Variants in CAMTA1 observed in about 807,000 individuals in gnomAD.
CAMTA1 encodes the protein calmodulin-binding transcription activator 1.
Under a neutral mutation model 170.9 loss-of-function variants are expected in CAMTA1, and 27 were observed. The ratio of observed to expected loss-of-function variants is 0.16; its 90% CI spans 0.12 to 0.22. CAMTA1 has a LOEUF of 0.22. Among genes scored for constraint, CAMTA1 ranks in the 10% least tolerant of loss-of-function variants. The probability of loss-of-function intolerance (pLI) is 1.00; values close to 1 mark genes in which losing one functional copy is unlikely to be tolerated. For synonymous variants in CAMTA1, 833 were observed against 891.5 expected (o/e 0.93, Z 1.17); for missense variants, 1,619 against 2,217.2 (o/e 0.73, Z 5.42).
chr1:6,834,288 A>T (rs553961806), intron 3 of CAMTA1: 53 of 176,242 alleles, frequency 3.0e-4, no homozygotes, highest in Admixed American at 1.3e-3. Context: ...TTTTTTTTTT[A>T]AAACCAGAAC....
At chr1:7,129,302 A>T (rs770693477) in intron 4 of CAMTA1, among the ~76,000 whole-genome samples, 1 of 152,206 alleles carries the variant, frequency 6.6e-6, no homozygotes, top group East Asian at 1.9e-4. Context: ...GGTTCTTTCC[A>T]TCAGACCTTG....
At chr1:7,008,857 T>A (rs1699386849) in intron 3 of CAMTA1, among the ~76,000 whole-genome samples, 1 of 152,240 alleles carries the variant, frequency 6.6e-6, no homozygotes, top group Non-Finnish European at 1.5e-5. Context: ...TTTAACCTAA[T>A]TTCTATGCCT....
intron 4 of CAMTA1, among the ~76,000 whole-genome samples, chr1:7,210,069 A>G (rs1020622808): frequency 1.3e-5 from 2 of 152,242 alleles, no homozygotes; most frequent in African/African-American, 4.8e-5. Flanking sequence ...AGCCAGTGCA[A>G]TGGTCAAAGT....
At chr1:7,560,400 G>A (rs1013842832) in intron 6 of CAMTA1, among the ~76,000 whole-genome samples, 7 of 152,256 alleles carry the variant, frequency 4.6e-5, no homozygotes, top group African/African-American at 1.7e-4. Flanking sequence ...ACAGGTCTCT[G>A]CGGCAGCATG....
intron 3 of CAMTA1, among the ~76,000 whole-genome samples, chr1:7,072,067 A>C (rs1638718418): frequency 6.6e-6 from 1 of 152,066 alleles, no homozygotes; most frequent in African/African-American, 2.4e-5. Context: ...CTTTGTGGGT[A>C]CCCCGCTCTA....
chr1:7,075,709 C>G (rs1639208823), intron 3 of CAMTA1, among the ~76,000 whole-genome samples: 1 of 146,908 alleles, frequency 6.8e-6, no homozygotes. Context: ...GTCATCCAGG[C>G]TGGAGTGCAG....
In CAMTA1 at chr1:7,632,170, G is replaced by A. The variant is rs1371704803; in HGVS notation, c.511-8230G>A. Among the ~76,000 whole-genome samples, 7 of 152,212 alleles carry A rather than the reference G, an allele frequency of 4.6e-5. No individual in the cohort carries two copies. In the East Asian group the frequency reaches 9.6e-4, roughly 21 times the overall value. On this transcript the variant is annotated intron_variant, in intron 6 of 22. Transcript: ENST00000303635. The stretch of plus-strand genomic sequence containing the variant: ...GGAAGGCTGTGCCTCTGATGATGAG[G>A]CTTATGGGACATTCGGAATATGTAT...
At chr1:6,793,059 T>TAC (rs746892868) in intron 1 of CAMTA1, among the ~76,000 whole-genome samples, 16 of 152,040 alleles carry the variant, frequency 1.1e-4, no homozygotes, top group Non-Finnish European at 2.4e-4. Flanking sequence ...TATATATATA[T>TAC]ACCCCACTCT....
In CAMTA1 at chr1:7,588,748, C is replaced by T. The variant is rs2095331857; in HGVS notation, c.511-51652C>T. ...GTACCTGCCCCTGGAGCGGGACCAA[C>T]AGCTCCAGGCAGGAGATTCACCCAA... On this transcript the variant is annotated intron_variant, in intron 6 of 22. Coordinates refer to ENST00000303635, the MANE Select transcript of CAMTA1 (RefSeq NM_015215.4). The surrounding 1 kb of genome is among the most constrained non-coding windows in gnomAD (Gnocchi z 5.8). 6.6e-6 allele frequency among the ~76,000 whole-genome samples: 1 copy of T among 152,212 alleles called. No individual in the cohort carries two copies.
At chr1:7,394,433 A>G (rs2089066238) in intron 5 of CAMTA1, among the ~76,000 whole-genome samples, 1 of 152,086 alleles carries the variant, frequency 6.6e-6, no homozygotes, top group Admixed American at 6.5e-5. Flanking sequence ...CATTTCCCTG[A>G]TGATTAGTGA....
At chr1:6,991,092 A>G (rs1696301596) in intron 3 of CAMTA1, among the ~76,000 whole-genome samples, 1 of 151,670 alleles carries the variant, frequency 6.6e-6, no homozygotes, top group Non-Finnish European at 1.5e-5. Context: ...CTTTTTATTG[A>G]GAGTAGTATT....
At chr1:7,383,007 C>T (rs1357052761) in intron 5 of CAMTA1, among the ~76,000 whole-genome samples, 1 of 152,172 alleles carries the variant, frequency 6.6e-6, no homozygotes, top group African/African-American at 2.4e-5. Flanking sequence ...GTGCTAAACA[C>T]TGGGAATATA....
At chr1:7,765,755 C>T (rs1255036317) in intron 22 of CAMTA1, among the ~76,000 whole-genome samples, 1 of 152,112 alleles carries the variant, frequency 6.6e-6, no homozygotes, top group African/African-American at 2.4e-5. Flanking sequence ...AGGCCGGGCG[C>T]GGTGGCTCAC....
At chr1:7,578,823 G>A (rs151264314) in intron 6 of CAMTA1, among the ~76,000 whole-genome samples, 5 of 152,316 alleles carry the variant, frequency 3.3e-5, no homozygotes, top group Non-Finnish European at 5.9e-5. Flanking sequence ...GCACGAATGC[G>A]TGTATGGGGG....
At chr1:6,874,081 T>C (rs535855710) in intron 3 of CAMTA1, 1 of 152,380 alleles carries the variant, frequency 6.6e-6, no homozygotes, top group East Asian at 1.9e-4. Flanking sequence ...CTCTGTGAAA[T>C]GTAGATACTG....
intron 6 of CAMTA1, among the ~76,000 whole-genome samples, chr1:7,612,818 C>G (rs548462958): frequency 8.8e-4 from 134 of 152,288 alleles, no homozygotes; most frequent in African/African-American, 3.2e-3. Context: ...CCACCCTTTG[C>G]AGGTTAAGAG....
At chr1:7,762,882 AAATGT>A (rs1277592536) in intron 22 of CAMTA1, among the ~76,000 whole-genome samples, 15 of 152,316 alleles carry the variant, frequency 9.8e-5, no homozygotes, top group African/African-American at 3.6e-4. Flanking sequence ...AGAATTGAGA[AAATGT>A]AATTGTTGTT....
chr1:7,410,903 GTGT>G (rs2090670807), intron 5 of CAMTA1, among the ~76,000 whole-genome samples: 2 of 128,332 alleles, frequency 1.6e-5, no homozygotes, highest in African/African-American at 8.2e-5. Context: ...GCGTCTGTGT[GTGT>G]GTGTGTGTGT....
At chr1:7,658,363 C>A (rs563952387) in intron 7 of CAMTA1, among the ~76,000 whole-genome samples, 1 of 152,166 alleles carries the variant, frequency 6.6e-6, no homozygotes, top group Admixed American at 6.5e-5. Context: ...GACAGAGCTG[C>A]GTGTTCTCCC....
Sources: allele counts gnomAD v4.1 joint callset (sites outside exome capture counted in the v4.1 genomes callset), GRCh38; gene constraint gnomAD v4.1.1; non-coding constraint Gnocchi (gnomAD v3.1); transcripts MANE v1.5; gene names NCBI Gene and HGNC (gene_info 2026-07-23, HGNC 2026-07-21).